GNG8: variants seen among roughly 807,000 people sequenced by gnomAD.
GNG8 encodes the protein G protein subunit gamma 8.
A neutral mutation model predicts 4.6 loss-of-function variants in GNG8; 3 were observed. The ratio of observed to expected loss-of-function variants is 0.65; its 90% CI spans 0.29 to 1.67. The LOEUF is 1.67. GNG8 is among the 40% of genes most tolerant of loss of function. The pLI, the probability that GNG8 is intolerant of heterozygous loss-of-function variation, is 0.10. For missense variants in GNG8, 88 were observed against 95.2 expected, an observed-to-expected ratio of 0.92 and a Z score of 0.32; for synonymous variants, 32 against 40.5, an observed-to-expected ratio of 0.79 and a Z score of 0.80.
chr19:46,634,988 G>T (rs954080332), intron 1 of GNG8, among the ~76,000 whole-genome samples: 11 of 152,048 alleles, frequency 7.2e-5, no homozygotes, highest in Admixed American at 2.6e-4. Context: ...GAAGGACAGG[G>T]CCACAGGTGC....
rs370908958 is a variant in GNG8, at chr19:46,634,660, A to G, written c.23T>C (p.Ile8Thr). MSNNMAK[I>T]AEARKTVEQL... is the part of the protein sequence containing the mutation. ...TTCCACCGTCTTGCGGGCCTCGGCA[A>G]TCTTGGCCATGTTGTTGGACATGGT... Residue 8 changes from isoleucine (I) to threonine (T), a missense_variant, in exon 2 of 3, where the codon ATT becomes ACT. By Grantham distance (89) the Ile-to-Thr change is moderately conservative (BLOSUM62 -1). Coordinates refer to ENST00000693335, the MANE Select transcript of GNG8 (RefSeq NM_033258.2). 7.1e-5 allele frequency: 114 copies of G among 1,612,698 alleles called. No individual in the cohort carries two copies. Among genetic ancestry groups the G allele is most frequent in the Non-Finnish European group, 7.7e-5 (91 of 1,179,794 alleles).
rs200295807 is a variant in GNG8 at position 46,634,607 on chromosome 19, G to A, written c.76C>T (p.Arg26Cys). Residue 26 changes from arginine to cysteine, a missense_variant, in exon 2 of 3, where the codon CGC becomes TGC. By Grantham distance (180) the Arg-to-Cys change is radical (BLOSUM62 -3). Coordinates refer to ENST00000693335, the MANE Select transcript of GNG8 (RefSeq NM_033258.2). ...EQLKLEVNID[R>C]MKVSQAAAEL... The stretch of plus-strand genomic sequence containing the variant: ...CCACCCCGACCCAGCACCTTCATGC[G>A]GTCGATGTTCACCTCCAGCTTCAGC... 7.6e-5 allele frequency: 122 copies of A among 1,612,694 alleles called. No homozygotes were observed. In the East Asian group the frequency reaches 2.6e-3, roughly 34 times the overall value.
intron 1 of GNG8, among the ~76,000 whole-genome samples, chr19:46,634,926 C>G (rs891441825): frequency 6.6e-6 from 1 of 150,692 alleles, no homozygotes; most frequent in African/African-American, 2.4e-5. Context: ...GGGGAGAGAG[C>G]AGGGAGGGGC....
At chr19:46,634,295 C>A in intron 2 of GNG8, 91 bp from the exon 3 acceptor site, 1 of 1,423,230 alleles carries the variant, frequency 7.0e-7, no homozygotes, top group South Asian at 1.4e-5. Flanking sequence ...CCCCTCCTCC[C>A]ACCTTGCCCC....
At chr19:46,635,447 G>T (rs2052859990) in intron 1 of GNG8, among the ~76,000 whole-genome samples, 1 of 133,970 alleles carries the variant, frequency 7.5e-6, no homozygotes, top group African/African-American at 2.9e-5. Flanking sequence ...CAAATGAAGG[G>T]GGGAGCAAGG....
upstream of GNG8, chr19:46,637,491 G>A (rs142274513): frequency 0.015 from 2,227 of 152,526 alleles, 27 homozygotes; most frequent in Middle Eastern, 0.031. Flanking sequence ...TCACGCTCTC[G>A]CTTCCGAGTG....
At position 46,634,078 on chromosome 19, in the gene GNG8, A is replaced by G. The variant is rs2122387593; in HGVS notation, c.211T>C (p.Ter71ArgextTer?). Residue 71 changes from the stop codon to arginine (R), a stop_lost, in exon 3 of 3, where the codon TGA becomes CGA. Transcript: ENST00000693335. ...GGAGGGTAAGCTGTCCGGAGGGCTC[A>G]GAGCAGAACACAAAAGAGGCGCTTG... Reference protein sequence around the residue: ...RDKRLFCVLL* With the variant: ...RDKRLFCVLLR 1.2e-6 allele frequency: 2 copies of G among 1,612,982 alleles called. No homozygotes were observed. The highest frequency in any genetic ancestry group is 1.7e-6 in the Non-Finnish European group (2 of 1,179,404).
rs946821205 is a variant in GNG8 at position 46,634,105 on chromosome 19, C to A, written c.184G>T (p.Asp62Tyr). The A allele has an allele frequency of 1.2e-6, 2 of 1,613,744 alleles. No individual in the cohort carries two copies. The highest frequency in any genetic ancestry group is 2.7e-5 in the African/African-American group (2 of 74,930). The change falls in exon 3 of 3, where the codon GAC becomes TAC. Residue 62 changes from aspartate (D) to tyrosine (Y), a missense_variant. By Grantham distance (160) the Asp-to-Tyr change is radical (BLOSUM62 -3). Coordinates refer to ENST00000693335, the MANE Select transcript of GNG8 (RefSeq NM_033258.2). Reference sequence around the variant, plus strand: ...AGCAGAACACAAAAGAGGCGCTTGTCGCGGAAGGGGTTCTCCGCGGCGGGT... The same window carrying A: ...AGCAGAACACAAAAGAGGCGCTTGTAGCGGAAGGGGTTCTCCGCGGCGGGT... ...PVPAAENPFR[D>Y]KRLFCVLL
chr19:46,638,975 C>T, upstream of GNG8: 1 of 153,740 alleles, frequency 6.5e-6, no homozygotes, highest in Non-Finnish European at 1.4e-5. This position sits in a 1 kb window ranked among gnomAD's most constrained non-coding sequence, Gnocchi z 4.7. Context: ...AGAGAAGGAG[C>T]GAGCTAGGGA....
At chr19:46,636,489 T>C (rs534715723), upstream of GNG8, among the ~76,000 whole-genome samples, 1 of 152,310 alleles carries the variant, frequency 6.6e-6, no homozygotes, top group South Asian at 2.1e-4. Context: ...ACCTCTCCAG[T>C]GTGTCCCACA....
At chr19:46,638,060 G>C (rs11672703), upstream of GNG8, 99,208 of 152,732 alleles carry the variant, frequency 0.65, 33,238 homozygotes, top group East Asian at 0.83. This position sits in a 1 kb window ranked among gnomAD's most constrained non-coding sequence, Gnocchi z 4.7. Context: ...GAATCTACTT[G>C]TGTGACACAC....
Position 46,634,224 on chromosome 19 carries a change from G to A in GNG8, c.85-20C>T. On this transcript the variant is annotated intron_variant, in intron 2 of 2. Coordinates refer to ENST00000693335, the MANE Select transcript of GNG8 (RefSeq NM_033258.2). ...CGACACCTGCGAGCACCCGGGTGGAGATGTCACCGCCCTGCCCGGCTCCTT... is the reference window on the plus strand; with the variant it reads ...CGACACCTGCGAGCACCCGGGTGGAAATGTCACCGCCCTGCCCGGCTCCTT... 1 of 1,601,220 alleles carries A rather than the reference G, an allele frequency of 6.2e-7. No homozygotes were observed. The highest frequency in any genetic ancestry group is 1.1e-5 in the South Asian group (1 of 89,606).
chr19:46,634,392 TC>T (rs2052849483), intron 2 of GNG8, among the ~76,000 whole-genome samples, 188 bp from the exon 3 acceptor site: 1 of 50,722 alleles, frequency 2.0e-5, no homozygotes, highest in East Asian at 8.1e-4. Flanking sequence ...TCCTGGCCCC[TC>T]CCCTGCCCCA....
At chr19:46,634,323 C>A (rs2052848513) in intron 2 of GNG8, 119 bp from the exon 3 acceptor site, 1 of 1,194,916 alleles carries the variant, frequency 8.4e-7, no homozygotes, top group African/African-American at 1.6e-5. Flanking sequence ...ACAGGCCTTT[C>A]CCCTTGTCTT....
intron 2 of GNG8, 133 bp from the exon 3 acceptor site, chr19:46,634,337 C>G (rs2052848711): frequency 2.7e-6 from 3 of 1,111,748 alleles, no homozygotes; most frequent in Non-Finnish European, 3.7e-6. Context: ...TTGTCTTACT[C>G]CGCCCCCTCG....
In GNG8 at chr19:46,634,187, C is replaced by T. The variant is rs1463590321; in HGVS notation, c.102G>A (p.Ala34=). The T allele has an allele frequency of 1.2e-6, 2 of 1,612,112 alleles. No individual in the cohort carries two copies. Among genetic ancestry groups the T allele is most frequent in the East Asian group, 2.2e-5 (1 of 44,808 alleles). The change falls in exon 3 of 3, where the codon GCG becomes GCA. Residue 34 remains alanine (A), a synonymous_variant. Coordinates refer to ENST00000693335, the MANE Select transcript of GNG8 (RefSeq NM_033258.2). Reference sequence around the variant, plus strand: ...GCGTCTCGCAGAAAGCCAGGAGTTCCGCTGCTGCCTGCGACACCTGCGAGC... The same window carrying T: ...GCGTCTCGCAGAAAGCCAGGAGTTCTGCTGCTGCCTGCGACACCTGCGAGC... ...IDRMKVSQAA[A]ELLAFCETHA...
intron 1 of GNG8, among the ~76,000 whole-genome samples, chr19:46,635,626 GGGAGATGGA>G (rs2052862591): frequency 1.2e-3 from 1 of 824 alleles, no homozygotes; most frequent in Non-Finnish European, 2.5e-3. Flanking sequence ...GGAGAGGATG[GGGAGATGGA>G]GGGAGGGGGT....
At chr19:46,635,382 A>G (rs2052859447) in intron 1 of GNG8, among the ~76,000 whole-genome samples, 1 of 148,936 alleles carries the variant, frequency 6.7e-6, no homozygotes. Flanking sequence ...GGGGAGGAAT[A>G]GAGAGAGGGA....
chr19:46,634,246 C>T (rs565433853), intron 2 of GNG8, 42 bp from the exon 3 acceptor site: 11 of 1,571,756 alleles, frequency 7.0e-6, no homozygotes, highest in South Asian at 4.6e-5. Context: ...CTGCCCGGCT[C>T]CTTGGAGCCG....
Sources: allele counts gnomAD v4.1 joint callset (sites outside exome capture counted in the v4.1 genomes callset), GRCh38; gene constraint gnomAD v4.1.1; non-coding constraint Gnocchi (gnomAD v3.1); transcripts MANE v1.5; gene names NCBI Gene and HGNC (gene_info 2026-07-23, HGNC 2026-07-21).